The following MAD1L1 variants were observed in gnomAD, a reference collection of about 807,000 sequenced individuals.
The protein encoded by MAD1L1 is mitotic arrest deficient 1 like 1.
Under a neutral mutation model 96.9 loss-of-function variants are expected in MAD1L1, and 95 were observed. That is an observed-to-expected ratio of 0.98 (90% CI 0.83 to 1.16). The LOEUF is 1.16. Among genes scored for constraint, MAD1L1 ranks in the 50% most tolerant of loss-of-function variants. The pLI is 0.00. For synonymous variants in MAD1L1, 473 were observed against 396.6 expected (o/e 1.19, Z -2.29); for missense variants, 1,007 against 954.4 (o/e 1.06, Z -0.73).
intron 11 of MAD1L1, among the ~76,000 whole-genome samples, chr7:2,117,330 G>A (rs747410980): frequency 1.5e-4 from 23 of 152,214 alleles, no homozygotes; most frequent in South Asian, 2.1e-4. Context: ...CTGCTGGTGC[G>A]GACGGCACAG....
At chr7:2,187,527 G>A (rs747052774) in intron 10 of MAD1L1, among the ~76,000 whole-genome samples, 1 of 152,192 alleles carries the variant, frequency 6.6e-6, no homozygotes, top group Non-Finnish European at 1.5e-5. Context: ...GCTACTGACA[G>A]GCACAATCAC....
intron 13 of MAD1L1, 31 bp downstream of exon 13, chr7:2,014,471 C>A (rs377574670): frequency 6.5e-7 from 1 of 1,529,042 alleles, no homozygotes; most frequent in Non-Finnish European, 8.8e-7. Flanking sequence ...CCCCACCTGG[C>A]GACGTGAGCC....
chr7:2,203,771 G>A (rs1470860133), intron 10 of MAD1L1, among the ~76,000 whole-genome samples: 1 of 152,212 alleles, frequency 6.6e-6, no homozygotes, highest in Non-Finnish European at 1.5e-5. Flanking sequence ...GAGCTTCTAT[G>A]TACACACATT....
At position 1,898,484 on chromosome 7, in the gene MAD1L1, G is replaced by T. The variant is rs1251389662; in HGVS notation, c.1808-94C>A. ...CAGGGCAGGGAGGAAGCCGAGTACA[G>T]GTGGGAGTGGCGGCTGCCCAGGGAC... On this transcript the variant is annotated intron_variant, in intron 17 of 18. Transcript: ENST00000265854. The T allele has an allele frequency of 7.4e-6, 8 of 1,079,156 alleles. No homozygotes were observed. In the African/African-American group the frequency reaches 1.1e-4, roughly 15 times the overall value. The allele number at this position is 1,079,156 out of a possible 1,614,324, so 66.8% of individuals were successfully genotyped here. A position where few individuals can be genotyped will look rare whatever the true frequency, so the allele number is the denominator to read the frequency against.
At chr7:2,028,239 C>A (rs183117777) in intron 12 of MAD1L1, among the ~76,000 whole-genome samples, 1 of 152,100 alleles carries the variant, frequency 6.6e-6, no homozygotes, top group African/African-American at 2.4e-5. Flanking sequence ...TCCTGGCTAA[C>A]ACGGCGAAAC....
chr7:2,177,255 T>C (rs1341890503), intron 10 of MAD1L1, among the ~76,000 whole-genome samples: 1 of 152,266 alleles, frequency 6.6e-6, no homozygotes, highest in Admixed American at 6.5e-5. Flanking sequence ...ATTACTTCTT[T>C]AATTTGAATC....
At chr7:2,070,450 C>A (rs532400317) in intron 11 of MAD1L1, among the ~76,000 whole-genome samples, 2 of 152,004 alleles carry the variant, frequency 1.3e-5, no homozygotes, top group African/African-American at 4.8e-5. Context: ...AGAGGCCGCC[C>A]GAGAGGAGGA....
chr7:2,015,585 A>G (rs1435839016), intron 12 of MAD1L1, among the ~76,000 whole-genome samples: 1 of 152,218 alleles, frequency 6.6e-6, no homozygotes, highest in African/African-American at 2.4e-5. Context: ...CTGGCCTCCC[A>G]TTGCCTGCAC....
At position 1,870,771 on chromosome 7, in the gene MAD1L1, G is replaced by A. The variant is rs556326781; in HGVS notation, c.1998+27429C>T. Among the ~76,000 whole-genome samples, 625 of 66,832 alleles carry A rather than the reference G, an allele frequency of 9.4e-3. 23 individuals carry two copies. The highest frequency in any genetic ancestry group is 0.036 in the African/African-American group (565 of 15,796). 43.8% of individuals were successfully genotyped at this position (66,832 alleles called of 152,430 possible). ...CAACATATGCCTGCCACGCTGAACC[G>A]ACCATAACACCTGCCACGCTGAACC... On this transcript the variant is annotated intron_variant, in intron 18 of 18. Transcript: ENST00000265854.
intron 12 of MAD1L1, among the ~76,000 whole-genome samples, chr7:2,040,416 G>A (rs375129906): frequency 2.6e-5 from 4 of 152,120 alleles, no homozygotes; most frequent in Non-Finnish European, 2.9e-5. Flanking sequence ...AGGTCTCATC[G>A]GTGTCGGGAA....
At chr7:1,908,775 G>A (rs901272460) in intron 17 of MAD1L1, among the ~76,000 whole-genome samples, 14 of 152,128 alleles carry the variant, frequency 9.2e-5, no homozygotes, top group African/African-American at 2.9e-4. Flanking sequence ...CTCACTCCCC[G>A]GAAGTAGCAG....
At chr7:1,964,767 A>G (rs902242659) in intron 15 of MAD1L1, among the ~76,000 whole-genome samples, 4 of 152,236 alleles carry the variant, frequency 2.6e-5, no homozygotes, top group African/African-American at 7.2e-5. Flanking sequence ...GATCTTGCTT[A>G]TAACAAACCC....
At chr7:2,073,012 A>G (rs1785209354) in intron 11 of MAD1L1, among the ~76,000 whole-genome samples, 1 of 152,194 alleles carries the variant, frequency 6.6e-6, no homozygotes, top group South Asian at 2.1e-4. Context: ...GGCTCAGTGC[A>G]ATAGAGCCAG....
chr7:2,218,860 C>T (rs960967792), intron 6 of MAD1L1, among the ~76,000 whole-genome samples: 1 of 151,846 alleles, frequency 6.6e-6, no homozygotes, highest in African/African-American at 2.4e-5. Flanking sequence ...GATGGTGCCA[C>T]TGCACTCCAG....
At chr7:1,966,166 G>A (rs935694778) in intron 15 of MAD1L1, among the ~76,000 whole-genome samples, 1 of 152,254 alleles carries the variant, frequency 6.6e-6, no homozygotes, top group Non-Finnish European at 1.5e-5. Flanking sequence ...GAACTGGGAT[G>A]GGAACCGCGC....
intron 11 of MAD1L1, among the ~76,000 whole-genome samples, chr7:2,093,802 G>T (rs552606614): frequency 1.3e-5 from 2 of 152,182 alleles, no homozygotes; most frequent in Non-Finnish European, 2.9e-5. Context: ...AGAGGAGCAC[G>T]GAACGCGGAA....
At chr7:1,853,853 C>A (rs1202667448) in intron 18 of MAD1L1, among the ~76,000 whole-genome samples, 1 of 152,186 alleles carries the variant, frequency 6.6e-6, no homozygotes, top group African/African-American at 2.4e-5. Flanking sequence ...GAGGACCGGG[C>A]AGGCCCCACC....
At chr7:2,043,645 G>T (rs1336082434) in intron 12 of MAD1L1, among the ~76,000 whole-genome samples, 1 of 152,208 alleles carries the variant, frequency 6.6e-6, no homozygotes, top group African/African-American at 2.4e-5. Flanking sequence ...AGGGCCTGGG[G>T]GGGCTGGGGA....
At chr7:2,152,323 C>T (rs1789617724) in intron 10 of MAD1L1, among the ~76,000 whole-genome samples, 1 of 152,240 alleles carries the variant, frequency 6.6e-6, no homozygotes, top group African/African-American at 2.4e-5. Context: ...CCTCCAACCA[C>T]AGGGGCAGCC....
Sources: allele counts gnomAD v4.1 joint callset (sites outside exome capture counted in the v4.1 genomes callset), GRCh38; gene constraint gnomAD v4.1.1; transcripts MANE v1.5; gene names NCBI Gene and HGNC (gene_info 2026-07-23, HGNC 2026-07-21).